The following ERAP2 variants were observed in gnomAD, a reference collection of about 807,000 sequenced individuals.
ERAP2 encodes endoplasmic reticulum aminopeptidase 2.
In ERAP2, 118 loss-of-function variants were observed where a neutral mutation model predicts 111.1. The ratio of observed to expected loss-of-function variants is 1.06; its 90% confidence interval spans 0.92 to 1.24. ERAP2 has a LOEUF of 1.24. Ranked by LOEUF, ERAP2 falls within the 50% of genes most tolerant of loss-of-function variation. The probability of loss-of-function intolerance (pLI) is 0.00; values close to 1 mark genes in which losing one functional copy is unlikely to be tolerated. For missense variants in ERAP2, 1,131 were observed against 1,125.8 expected (o/e 1.00, Z -0.07); for synonymous variants, 410 against 401.2 (o/e 1.02, Z -0.26).
intron 17 of ERAP2, among the ~76,000 whole-genome samples, chr5:96,914,129 GTC>G (rs35052241): frequency 2.9e-4 from 42 of 146,852 alleles, no homozygotes; most frequent in African/African-American, 7.7e-4. Flanking sequence ...ATTGCTTTCT[GTC>G]TCTCTCTCTC....
rs1323355146 is a variant in ERAP2 at position 96,889,177 on chromosome 5, T to A, written c.850-8T>A. The A allele has an allele frequency of 6.2e-7, 1 of 1,613,862 alleles. No homozygotes were observed. ...ATTCAAAAACCTCTTCTGATCCACA[T>A]TTCCCAGGTGTCCATCTATGCATCC... On this transcript the variant is annotated splice_region_variant and splice_polypyrimidine_tract_variant and intron_variant, in intron 4 of 18. Coordinates refer to ENST00000437043, the MANE Select transcript of ERAP2 (RefSeq NM_022350.5).
rs1787614774 is a variant in ERAP2 at position 96,917,918 on chromosome 5, AAAAAAAAAAAGAAAAAGAAAAAG to A, written c.*318_*340del. The A allele has an allele frequency of 6.2e-6, 1 of 160,388 alleles. No individual in the cohort carries two copies. Among genetic ancestry groups the A allele is most frequent in the Non-Finnish European group, 1.3e-5 (1 of 74,788 alleles). 9.9% of individuals were successfully genotyped at this position (160,388 alleles called of 1,614,324 possible). ...GAGACTCTGTCTCAAAAAAAAAAAA[AAAAAAAAAAAGAAAAAGAAAAAG>A]AAAAGAAAAGAAAAGGTACATCAGA... On this transcript the variant is annotated 3_prime_UTR_variant, in exon 19 of 19. Coordinates refer to ENST00000437043, the MANE Select transcript of ERAP2 (RefSeq NM_022350.5).
intron 3 of ERAP2, among the ~76,000 whole-genome samples, chr5:96,885,371 G>A (rs76253862): frequency 0.024 from 3,583 of 152,262 alleles, 67 homozygotes; most frequent in Middle Eastern, 0.095. Context: ...AAATGGAGAC[G>A]GTTGTTGGGG....
chr5:96,895,745 A>T lies in ERAP2; in HGVS notation c.1239+386A>T, dbSNP rs1403751776. ...ATCATTGGGGGTGTACTTTTCTAGAATTTCCAAAGGGTCTGCTGGCTTCCC... is the reference window on the plus strand; with the variant it reads ...ATCATTGGGGGTGTACTTTTCTAGATTTTCCAAAGGGTCTGCTGGCTTCCC... On this transcript the variant is annotated intron_variant, in intron 7 of 18. Coordinates refer to ENST00000437043, the MANE Select transcript of ERAP2 (RefSeq NM_022350.5). 2.6e-5 allele frequency among the ~76,000 whole-genome samples: 4 copies of T among 152,146 alleles called. No homozygotes were observed. The East Asian group carries it at 7.7e-4, about 29-fold the overall frequency.
rs781655443 is a variant in ERAP2, at chr5:96,896,373, G to T, written c.1240G>T (p.Asp414Tyr). The change falls in exon 8 of 19, where the codon GAT becomes TAT. Residue 414 changes from aspartate (D) to tyrosine (Y), a missense_variant and splice_region_variant. Physicochemically the swap from Asp to Tyr is radical, Grantham distance 160 (BLOSUM62 -3). Transcript: ENST00000437043. Reference protein sequence around the residue: ...VNATYPELQFDDYFLNVCFEV... With the variant: ...VNATYPELQFYDYFLNVCFEV... ...ACTAAACATTTTTCTCCCTGTTTAG[G>T]ATGACTATTTTTTGAATGTGTGTTT... The T allele has an allele frequency of 1.2e-6, 2 of 1,607,462 alleles. No individual in the cohort carries two copies. Among genetic ancestry groups the T allele is most frequent in the Middle Eastern group, 1.7e-4 (1 of 6,040 alleles).
At chr5:96,895,179 A>ATT (rs3832367) in intron 6 of ERAP2, 67 bp from the exon 7 acceptor site, 464,592 of 932,896 alleles carry the variant, frequency 0.5, 118,652 homozygotes, top group Middle Eastern at 0.59. Context: ...TAACTATTGT[A>ATT]TTTTTTGCTA....
Position 96,889,253 on chromosome 5 carries a change from A to G in ERAP2, c.918A>G (p.Leu306=), listed in dbSNP as rs766424542. 8.7e-6 allele frequency: 14 copies of G among 1,613,784 alleles called. No homozygotes were observed. The highest frequency in any genetic ancestry group is 1.2e-5 in the Non-Finnish European group (14 of 1,179,790). ...ATGCTTTGCAGGCATCACTGAAGCT[A>G]CTTGATTTTTATGAAAAGTACTTTG... The part of the protein sequence containing the change: ...THYALQASLK[L]LDFYEKYFDI... Residue 306 remains leucine, a synonymous_variant, in exon 5 of 19, where the codon CTA becomes CTG. Transcript: ENST00000437043.
chr5:96,909,463 G>C, intron 14 of ERAP2, 117 bp from the exon 15 acceptor site: 1 of 799,480 alleles, frequency 1.3e-6, no homozygotes. Flanking sequence ...AAGATACACT[G>C]TTTGGGGAAA....
intron 9 of ERAP2, 34 bp from the exon 10 acceptor site, chr5:96,900,087 T>G (rs923660317): frequency 6.2e-7 from 1 of 1,613,144 alleles, no homozygotes; most frequent in Non-Finnish European, 8.5e-7. Context: ...TAATGATGCC[T>G]ACATTGCAGT....
At chr5:96,916,158 T>G (rs576341893) in intron 18 of ERAP2, among the ~76,000 whole-genome samples, 1 of 151,174 alleles carries the variant, frequency 6.6e-6, no homozygotes, top group East Asian at 2.0e-4. Context: ...GAGGCGGAGG[T>G]TGCAGTGAGC....
chr5:96,901,662 T>G lies in ERAP2; in HGVS notation c.1729T>G (p.Trp577Gly). ...GGGGGTTTTCCAGGAAGACCCTGAATGGAGGGCCCTGCAGGAGAGGTGGCT... is the reference window on the plus strand; with the variant it reads ...GGGGGTTTTCCAGGAAGACCCTGAAGGGAGGGCCCTGCAGGAGAGGTGGCT... ...LQGVFQEDPE[W>G]RALQERYLWH... The change falls in exon 11 of 19, where the codon TGG becomes GGG. Residue 577 changes from tryptophan (W) to glycine (G), a missense_variant. Trp to Gly is a radical substitution (Grantham distance 184). This residue lies in a region of ERAP2 where 847 missense variants were observed against 856.5 expected (regional missense o/e 0.99). Coordinates refer to ENST00000437043, the MANE Select transcript of ERAP2 (RefSeq NM_022350.5). 6.2e-7 allele frequency: 1 copy of G among 1,613,894 alleles called. No homozygotes were observed. Among genetic ancestry groups the G allele is most frequent in the South Asian group, 1.1e-5 (1 of 91,082 alleles).
intron 5 of ERAP2, among the ~76,000 whole-genome samples, chr5:96,890,794 A>G (rs1276892095): frequency 6.6e-6 from 1 of 152,170 alleles, no homozygotes; most frequent in African/African-American, 2.4e-5. Context: ...CAGGTTCTAT[A>G]TACTCTTTAG....
At chr5:96,904,296 T>C (rs1785800386) in intron 13 of ERAP2, among the ~76,000 whole-genome samples, 1 of 152,186 alleles carries the variant, frequency 6.6e-6, no homozygotes, top group East Asian at 1.9e-4. Context: ...CTGGAGGGAA[T>C]TGAGGACCAG....
At position 96,901,520 on chromosome 5, in the gene ERAP2, G is replaced by A. The variant is rs1483601942; in HGVS notation, c.1587G>A (p.Gly529=). Residue 529 remains glycine (G), a synonymous_variant, in exon 11 of 19, where the codon GGG becomes GGA. Transcript: ENST00000437043. ...KMTSNMLAFL[G]ENAEVKEMMT... ...TGTCATTTCAGCTCGCCTTTCTGGG[G>A]GAAAATGCAGAGGTCAAAGAGATGA... The A allele has an allele frequency of 8.1e-6, 13 of 1,613,018 alleles. No individual in the cohort carries two copies. Among genetic ancestry groups the A allele is most frequent in the Non-Finnish European group, 1.1e-5 (13 of 1,179,394 alleles).
At chr5:96,893,981 G>T (rs894431984) in intron 6 of ERAP2, among the ~76,000 whole-genome samples, 8 of 152,122 alleles carry the variant, frequency 5.3e-5, no homozygotes, top group Non-Finnish European at 8.8e-5. Context: ...CTCAGGAAAT[G>T]AACACTGTCC....
chr5:96,897,280 C>T (rs1186332156), intron 9 of ERAP2, among the ~76,000 whole-genome samples: 1 of 152,202 alleles, frequency 6.6e-6, no homozygotes, highest in Non-Finnish European at 1.5e-5. Context: ...TGCTCAATCT[C>T]TAGATCATTG....
At position 96,919,460 on chromosome 5, in the gene ERAP2, T is replaced by A. The variant is rs922048488; in HGVS notation, c.*1855T>A. On this transcript the variant is annotated 3_prime_UTR_variant, in exon 19 of 19. Transcript: ENST00000437043. ...ACTGGTTTTTTTCAACAAGACCATA[T>A]GTAAATTAAATAGTGAAATGTGTAT... 6.6e-6 allele frequency: 1 copy of A among 152,318 alleles called. No homozygotes were observed. The highest frequency in any genetic ancestry group is 1.5e-5 in the Non-Finnish European group (1 of 68,020). 9.4% of individuals were successfully genotyped at this position (152,318 alleles called of 1,614,324 possible). A position where few individuals can be genotyped will look rare whatever the true frequency, so the allele number is the denominator to read the frequency against.
chr5:96,908,585 T>C (rs1786359300), intron 13 of ERAP2, among the ~76,000 whole-genome samples: 1 of 152,228 alleles, frequency 6.6e-6, no homozygotes, highest in Non-Finnish European at 1.5e-5. Flanking sequence ...TGAAATCATG[T>C]GTAAAAAGTT....
In ERAP2 at chr5:96,879,961, T is replaced by C; in HGVS notation, c.276T>C (p.Val92=). 2.5e-6 allele frequency: 4 copies of C among 1,614,198 alleles called. No homozygotes were observed. The highest frequency in any genetic ancestry group is 3.4e-6 in the Non-Finnish European group (4 of 1,180,030). Residue 92 remains valine (V), a synonymous_variant, in exon 2 of 19, where the codon GTT becomes GTC. Transcript: ENST00000437043. ...CCAATCTCACCTCTCTGGACTTTGT[T>C]GCATCTGAGAAGATCGAAGTCTTGG... The part of the protein sequence containing the change: ...VHPNLTSLDF[V]ASEKIEVLVS...
Sources: gnomAD v4.1 joint callset for allele counts (sites outside exome capture counted in the v4.1 genomes callset) on GRCh38, gnomAD v4.1.1 for gene constraint, gnomAD v4.1.1 regional missense constraint, MANE v1.5 for transcripts, NCBI Gene and HGNC (gene_info 2026-07-23, HGNC 2026-07-21) for gene names.